Variants in ARHGEF7 observed in about 807,000 individuals in gnomAD.
ARHGEF7 encodes the protein Rho guanine nucleotide exchange factor 7.
A neutral mutation model predicts 109.8 loss-of-function variants in ARHGEF7; 33 were observed. That is an observed-to-expected ratio of 0.30 (90% CI 0.23 to 0.40). The LOEUF is 0.40. Among genes scored for constraint, ARHGEF7 ranks in the 10% least tolerant of loss-of-function variants. ARHGEF7 has a pLI of 1.00. For missense variants in ARHGEF7, 938 were observed against 1,098.5 expected (o/e 0.85, Z 2.07); for synonymous variants, 458 against 424.6 (o/e 1.08, Z -0.97).
chr13:111,285,648 G>A (rs2092988707), intron 16 of ARHGEF7, among the ~76,000 whole-genome samples: 2 of 152,164 alleles, frequency 1.3e-5, no homozygotes, highest in African/African-American at 2.4e-5. Context: ...CTGAGCACTC[G>A]CTCCCTTTTC....
At position 111,171,701 on chromosome 13, in the gene ARHGEF7, A is replaced by G. The variant is rs541244689; in HGVS notation, c.252+17710A>G. Among the ~76,000 whole-genome samples, 6 of 152,334 alleles carry G rather than the reference A, an allele frequency of 3.9e-5. No individual in the cohort carries two copies. The East Asian group carries it at 1.2e-3, about 29-fold the overall frequency. ...TTTGATTTCAAGAGAAAAAGGAATGAGCCTCTAAAAACAAAGCTCTTCTGT... is the reference window on the plus strand; with the variant it reads ...TTTGATTTCAAGAGAAAAAGGAATGGGCCTCTAAAAACAAAGCTCTTCTGT... On this transcript the variant is annotated intron_variant, in intron 2 of 21. Coordinates refer to ENST00000646102, the MANE Select transcript of ARHGEF7 (RefSeq NM_001354046.2).
intron 8 of ARHGEF7, among the ~76,000 whole-genome samples, chr13:111,262,010 G>A (rs1022510137): frequency 6.6e-6 from 1 of 152,064 alleles, no homozygotes; most frequent in Non-Finnish European, 1.5e-5. Context: ...ACATCAAAAA[G>A]TAGAAAAACT....
intron 1 of ARHGEF7, among the ~76,000 whole-genome samples, chr13:111,121,128 C>T (rs2067172309): frequency 6.6e-6 from 1 of 152,120 alleles, no homozygotes; most frequent in African/African-American, 2.4e-5. Flanking sequence ...GTGCCTGGAG[C>T]CACTGCAGGT....
chr13:111,203,887 G>A lies in ARHGEF7; in HGVS notation c.253-1402G>A, dbSNP rs569067783. On this transcript the variant is annotated intron_variant, in intron 2 of 21. Transcript: ENST00000646102. The stretch of plus-strand genomic sequence containing the variant: ...TTCATTACAGCAGCATGCGGTGCCT[G>A]CAGGGTGGGTGGCTGGTTGGATGCT... Among the ~76,000 whole-genome samples, 8 of 152,364 alleles carry A rather than the reference G, an allele frequency of 5.3e-5. No homozygotes were observed. In the South Asian group the frequency reaches 1.7e-3, roughly 32 times the overall value.
intron 8 of ARHGEF7, among the ~76,000 whole-genome samples, chr13:111,245,498 A>G (rs907081747): frequency 6.6e-6 from 1 of 152,162 alleles, no homozygotes; most frequent in Non-Finnish European, 1.5e-5. Context: ...AATTGCTTCA[A>G]ATGCCGATCA....
chr13:111,154,540 T>C (rs945518660), intron 2 of ARHGEF7, among the ~76,000 whole-genome samples: 4 of 152,168 alleles, frequency 2.6e-5, no homozygotes, highest in Admixed American at 2.6e-4. Flanking sequence ...TTCCGTACCC[T>C]CAACACTTAA....
chr13:111,280,415 A>C, intron 14 of ARHGEF7, 65 bp downstream of exon 14: 1 of 1,588,872 alleles, frequency 6.3e-7, no homozygotes, highest in Non-Finnish European at 8.6e-7. Flanking sequence ...CCCCGCGTGC[A>C]GATTCTTGCT....
At position 111,115,474 on chromosome 13, in the gene ARHGEF7, C is replaced by G; in HGVS notation, c.-53C>G. 3 of 1,067,030 alleles carry G rather than the reference C, an allele frequency of 2.8e-6. No homozygotes were observed. Among genetic ancestry groups the G allele is most frequent in the Non-Finnish European group, 3.4e-6 (3 of 882,204 alleles). The allele number at this position is 1,067,030 out of a possible 1,614,324, so 66.1% of individuals were successfully genotyped here. A position where few individuals can be genotyped will look rare whatever the true frequency, so the allele number is the denominator to read the frequency against. ...CGGCGGGGGCCGCGGGCCGGGCCGC[C>G]GCTCCGAGGTGAAGGCGCGCGCCCC... On this transcript the variant is annotated 5_prime_UTR_variant, in exon 1 of 22. Transcript: ENST00000646102.
At chr13:111,190,220 C>T (rs2079714589) in intron 2 of ARHGEF7, among the ~76,000 whole-genome samples, 1 of 152,136 alleles carries the variant, frequency 6.6e-6, no homozygotes, top group Admixed American at 6.5e-5. Context: ...AAATACAGGG[C>T]CCGAAGGCGA....
At chr13:111,259,860 G>T (rs1477667910) in intron 8 of ARHGEF7, among the ~76,000 whole-genome samples, 1 of 152,152 alleles carries the variant, frequency 6.6e-6, no homozygotes, top group Non-Finnish European at 1.5e-5. Flanking sequence ...AGGAAACAAT[G>T]AAATTCAAGA....
In ARHGEF7 at chr13:111,255,196, G is replaced by C. The variant is rs9560022; in HGVS notation, c.950+10902G>C. 4.3e-4 allele frequency among the ~76,000 whole-genome samples: 60 copies of C among 139,620 alleles called. No homozygotes were observed. Among genetic ancestry groups the C allele is most frequent in the East Asian group, 9.9e-4 (4 of 4,054 alleles). The allele number at this position is 139,620 out of a possible 152,430, so 91.6% of individuals were successfully genotyped here. A position where few individuals can be genotyped will look rare whatever the true frequency, so the allele number is the denominator to read the frequency against. ...GCTGAGTCGCTAACGTGAAGGCCGG[G>C]CTCAGAAGAGGATTCGGGCTAAGGC... On this transcript the variant is annotated intron_variant, in intron 8 of 21. Transcript: ENST00000646102. The surrounding 1 kb of genome is among the most constrained non-coding windows in gnomAD (Gnocchi z 4.1).
chr13:111,205,432 G>C, intron 3 of ARHGEF7, 59 bp downstream of exon 3: 1 of 1,275,720 alleles, frequency 7.8e-7, no homozygotes, highest in South Asian at 1.5e-5. Context: ...TGACACCTTT[G>C]GTTTTCTTGT....
chr13:111,291,426 A>G (rs1485759737), intron 18 of ARHGEF7, among the ~76,000 whole-genome samples: 1 of 152,192 alleles, frequency 6.6e-6, no homozygotes, highest in Non-Finnish European at 1.5e-5. Context: ...CCAGCTTCCC[A>G]CTGCACCCTG....
intron 1 of ARHGEF7, among the ~76,000 whole-genome samples, chr13:111,152,447 A>G (rs1051318253): frequency 6.6e-6 from 1 of 152,252 alleles, no homozygotes; most frequent in Non-Finnish European, 1.5e-5. Context: ...TTGCCATTCC[A>G]CTGAAAAAAT....
intron 9 of ARHGEF7, among the ~76,000 whole-genome samples, chr13:111,270,984 T>C (rs951385995): frequency 6.6e-6 from 1 of 152,132 alleles, no homozygotes; most frequent in Non-Finnish European, 1.5e-5. Context: ...AGGCTGCCCG[T>C]GGTCAGAGGG....
chr13:111,263,365 C>T (rs147083214), intron 8 of ARHGEF7, among the ~76,000 whole-genome samples: 11 of 152,240 alleles, frequency 7.2e-5, no homozygotes, highest in African/African-American at 1.9e-4. Flanking sequence ...CCACTCGTAC[C>T]GTGAATTGTT....
At chr13:111,233,341 G>T in intron 6 of ARHGEF7, 48 bp downstream of exon 6, 1 of 1,427,306 alleles carries the variant, frequency 7.0e-7, no homozygotes. Context: ...TTGACTGCCT[G>T]TAAAACTCAG....
rs75826543 is a variant in ARHGEF7 at position 111,266,399 on chromosome 13, C to G, written c.951-1149C>G. Among the ~76,000 whole-genome samples, 3,349 of 152,184 alleles carry G rather than the reference C, an allele frequency of 0.022. 124 individuals carry two copies. Among genetic ancestry groups the G allele is most frequent in the African/African-American group, 0.077 (3,192 of 41,494 alleles). The stretch of plus-strand genomic sequence containing the variant: ...GTGTCGACGCTCGTGGACACCTTCG[C>G]TCTTGTGCCTTGCACTCTTTCTGTT... On this transcript the variant is annotated intron_variant, in intron 8 of 21. Transcript: ENST00000646102. This position sits in a 1 kb window ranked among gnomAD's most constrained non-coding sequence, Gnocchi z 4.8.
At chr13:111,123,383 T>C (rs944324337) in intron 1 of ARHGEF7, among the ~76,000 whole-genome samples, 4 of 152,294 alleles carry the variant, frequency 2.6e-5, no homozygotes, top group Admixed American at 2.6e-4. Flanking sequence ...GTCAGCAAGC[T>C]GCCTGCCCTG....
Sources: gnomAD v4.1 joint callset for allele counts (sites outside exome capture counted in the v4.1 genomes callset) on GRCh38, gnomAD v4.1.1 for gene constraint, Gnocchi (gnomAD v3.1) non-coding constraint, MANE v1.5 for transcripts, NCBI Gene and HGNC (gene_info 2026-07-23, HGNC 2026-07-21) for gene names.